Variants in MDN1 observed in about 807,000 individuals in gnomAD.
MDN1 encodes midasin.
Under a neutral mutation model 669.2 loss-of-function variants are expected in MDN1, and 266 were observed. The ratio of observed to expected loss-of-function variants is 0.40; its 90% CI spans 0.36 to 0.44. The LOEUF is 0.44. Ranked by LOEUF, MDN1 falls within the 20% of genes least tolerant of loss-of-function variation. MDN1 has a pLI of 1.00. For missense variants in MDN1, 5,940 were observed against 6,754.0 expected, an observed-to-expected ratio of 0.88 and a Z score of 4.22; for synonymous variants, 2,385 against 2,457.1, an observed-to-expected ratio of 0.97 and a Z score of 0.87.
In MDN1 at chr6:89,743,554, G is replaced by A. The variant is rs201496735; in HGVS notation, c.4317+22C>T. 10 of 1,607,000 alleles carry A rather than the reference G, an allele frequency of 6.2e-6. No individual in the cohort carries two copies. The African/African-American group carries it at 1.3e-4, about 22-fold the overall frequency. On this transcript the variant is annotated intron_variant, in intron 30 of 101. Coordinates refer to ENST00000369393, the MANE Select transcript of MDN1 (RefSeq NM_014611.3). ...TAACTGCAGTTTTTTAAAATAACAGGAACACTTGCTGCTGGACAAACCTTG... is the reference window on the plus strand; with the variant it reads ...TAACTGCAGTTTTTTAAAATAACAGAAACACTTGCTGCTGGACAAACCTTG...
chr6:89,673,672 A>C, intron 79 of MDN1: 1 of 557,874 alleles, frequency 1.8e-6, no homozygotes. Context: ...CTATTACTAA[A>C]CACCTAGGTT....
intron 11 of MDN1, among the ~76,000 whole-genome samples, chr6:89,779,402 G>C (rs955427135): frequency 1.3e-5 from 2 of 152,104 alleles, no homozygotes; most frequent in African/African-American, 4.8e-5. Context: ...TCCCATCATA[G>C]ATAATAACAA....
chr6:89,664,429 C>T, intron 85 of MDN1, 58 bp downstream of exon 85: 3 of 1,593,146 alleles, frequency 1.9e-6, no homozygotes, highest in Non-Finnish European at 2.6e-6. Context: ...CATGTAATTT[C>T]CTGGATAAAA....
At position 89,674,511 on chromosome 6, in the gene MDN1, C is replaced by CTGAGGG; in HGVS notation, c.12834_12839dup (p.Pro4279_Gln4280insHisPro). The CTGAGGG allele has an allele frequency of 6.2e-7, 1 of 1,610,358 alleles. No homozygotes were observed. Among genetic ancestry groups the CTGAGGG allele is most frequent in the Non-Finnish European group, 8.5e-7 (1 of 1,179,774 alleles). On this transcript the variant is annotated inframe_insertion, in exon 79 of 102. Transcript: ENST00000369393. ...GCTCTGTCCACTGCTGCACGCCATC[C>CTGAGGG]TGAGGGGGGAAGGCCACGGGGTAGG...
At chr6:89,810,483 TTG>T (rs1321648524) in intron 1 of MDN1, among the ~76,000 whole-genome samples, 1 of 152,018 alleles carries the variant, frequency 6.6e-6, no homozygotes, top group Non-Finnish European at 1.5e-5. Context: ...CAGAAATGTG[TTG>T]TCTCACAATT....
intron 97 of MDN1, among the ~76,000 whole-genome samples, chr6:89,648,939 T>C (rs937963520): frequency 1.3e-5 from 2 of 150,064 alleles, no homozygotes; most frequent in Admixed American, 6.7e-5. Context: ...CAGTGAGCTA[T>C]GATCATGCCA....
intron 69 of MDN1, 127 bp downstream of exon 69, chr6:89,686,775 C>T: frequency 7.8e-7 from 1 of 1,279,546 alleles, no homozygotes; most frequent in Admixed American, 2.3e-5. Context: ...ATCATGAAGT[C>T]AAATGGGAGG....
In MDN1 at chr6:89,723,613, C is replaced by T. The variant is rs370208664; in HGVS notation, c.5677G>A (p.Val1893Ile). Residue 1893 changes from valine to isoleucine, a missense_variant, in exon 39 of 102, where the codon GTT (valine) becomes ATT (isoleucine). Coordinates refer to ENST00000369393, the MANE Select transcript of MDN1 (RefSeq NM_014611.3). ...ATGTCAATTACTGTAAGGGGATCAA[C>T]GAAGACCTAGAAATCCAAAAATAAT... ...SFLNRFTQVF[V>I]DPLTVIDMEF... 21 of 1,548,680 alleles carry T rather than the reference C, an allele frequency of 1.4e-5. No individual in the cohort carries two copies. The highest frequency in any genetic ancestry group is 5.5e-5 in the African/African-American group (4 of 72,210).
intron 9 of MDN1, among the ~76,000 whole-genome samples, chr6:89,782,479 G>A (rs1035610626): frequency 3.3e-5 from 5 of 151,792 alleles, no homozygotes; most frequent in African/African-American, 1.2e-4. Flanking sequence ...TCAGTCCCAG[G>A]TACCTGGCAG....
At chr6:89,757,048 G>GGA (rs2128319942) in intron 19 of MDN1, among the ~76,000 whole-genome samples, 1 of 152,160 alleles carries the variant, frequency 6.6e-6, no homozygotes, top group African/African-American at 2.4e-5. Flanking sequence ...AAGACAAAAT[G>GGA]GTTGAAGAGA....
In MDN1 at chr6:89,747,421, G is replaced by A; in HGVS notation, c.3812C>T (p.Thr1271Ile). 1 of 1,614,024 alleles carries A rather than the reference G, an allele frequency of 6.2e-7. No individual in the cohort carries two copies. The highest frequency in any genetic ancestry group is 8.5e-7 in the Non-Finnish European group (1 of 1,179,978). ...AGCCCATCGGAACAGATCACGAAGGGTGATGAAGCCCTGCTTTCCAGCAAA... is the reference window on the plus strand; with the variant it reads ...AGCCCATCGGAACAGATCACGAAGGATGATGAAGCCCTGCTTTCCAGCAAA... ...SVFAGKQGFITLRDLFRWAER... is the reference protein window; with the variant it reads ...SVFAGKQGFIILRDLFRWAER... The change falls in exon 27 of 102, where the codon ACC becomes ATC. Residue 1271 changes from threonine (T) to isoleucine (I), a missense_variant. Physicochemically the swap from Thr to Ile is moderately conservative, Grantham distance 89. Coordinates refer to ENST00000369393, the MANE Select transcript of MDN1 (RefSeq NM_014611.3).
intron 1 of MDN1, among the ~76,000 whole-genome samples, chr6:89,809,587 C>G (rs931053367): frequency 6.6e-6 from 1 of 151,668 alleles, no homozygotes; most frequent in Non-Finnish European, 1.5e-5. Flanking sequence ...ATCAGCCTGA[C>G]CAACATAGCG....
intron 9 of MDN1, among the ~76,000 whole-genome samples, chr6:89,783,234 C>A (rs1381909900): frequency 6.6e-6 from 1 of 151,980 alleles, no homozygotes; most frequent in Non-Finnish European, 1.5e-5. Flanking sequence ...CTTTTCCTAG[C>A]AAGGAATATT....
chr6:89,709,242 G>A (rs949583008), intron 50 of MDN1, among the ~76,000 whole-genome samples: 1 of 152,206 alleles, frequency 6.6e-6, no homozygotes. Context: ...TAATTTGAAG[G>A]TGGCTGGCAG....
intron 73 of MDN1, among the ~76,000 whole-genome samples, chr6:89,682,709 A>C (rs1022370617): frequency 0.011 from 1,581 of 147,802 alleles, 66 homozygotes; most frequent in East Asian, 0.093. Flanking sequence ...TAAAAAAAAA[A>C]AAAAAAAAAA....
chr6:89,691,341 A>G (rs543329872), intron 63 of MDN1, among the ~76,000 whole-genome samples: 1 of 152,334 alleles, frequency 6.6e-6, no homozygotes, highest in South Asian at 2.1e-4. Context: ...TTAGATCTTT[A>G]AACTGGCAAA....
chr6:89,743,245 A>G lies in MDN1; in HGVS notation c.4353T>C (p.His1451=). The G allele has an allele frequency of 3.1e-6, 5 of 1,614,198 alleles. No individual in the cohort carries two copies. The highest frequency in any genetic ancestry group is 4.2e-6 in the Non-Finnish European group (5 of 1,180,012). ...TCATGGCCTGAACCAGAGGCCCATC[A>G]TGCCACTCAAAGAGTCTTGATGTGT... ...EIDTSRLFEW[H]DGPLVQAMKE... is the part of the protein sequence containing the mutation. Residue 1451 remains histidine, a synonymous_variant, in exon 31 of 102, where the codon CAT becomes CAC. Coordinates refer to ENST00000369393, the MANE Select transcript of MDN1 (RefSeq NM_014611.3).
chr6:89,649,803 C>G (rs1006678979), intron 97 of MDN1, among the ~76,000 whole-genome samples: 1 of 152,176 alleles, frequency 6.6e-6, no homozygotes, highest in Non-Finnish European at 1.5e-5. Context: ...ACTAACACAT[C>G]TGAGACATCC....
At chr6:89,737,251 A>G (rs1291131560) in intron 33 of MDN1, among the ~76,000 whole-genome samples, 2 of 152,198 alleles carry the variant, frequency 1.3e-5, no homozygotes, top group African/African-American at 2.4e-5. Flanking sequence ...AGTCGTCCCT[A>G]AAACACCACA....
Sources: allele counts gnomAD v4.1 joint callset (sites outside exome capture counted in the v4.1 genomes callset), GRCh38; gene constraint gnomAD v4.1.1; transcripts MANE v1.5; gene names NCBI Gene and HGNC (gene_info 2026-07-23, HGNC 2026-07-21).